Variants in PRKDC observed in about 807,000 individuals in gnomAD.
PRKDC encodes DNA-dependent protein kinase catalytic subunit.
In PRKDC, 82 loss-of-function variants were observed where a neutral mutation model predicts 486.9. That is an observed-to-expected ratio of 0.17 (90% CI 0.14 to 0.20). The LOEUF is 0.20. Ranked by LOEUF, PRKDC falls within the 10% of genes least tolerant of loss-of-function variation. The probability of loss-of-function intolerance (pLI) is 1.00; values close to 1 mark genes in which losing one functional copy is unlikely to be tolerated. For missense variants in PRKDC, 4,504 were observed against 5,038.2 expected (o/e 0.89, Z 3.21); for synonymous variants, 1,895 against 1,837.0 (o/e 1.03, Z -0.81).
At position 47,897,308 on chromosome 8, in the gene PRKDC, G is replaced by T. The variant is rs2089598173; in HGVS notation, c.3465-14C>A. Reference sequence around the variant, plus strand: ...GGTGGAAATCCTCTGCACAGAGACAGCATACTGTCATTAGTCCCTCTCCAA... The same window carrying T: ...GGTGGAAATCCTCTGCACAGAGACATCATACTGTCATTAGTCCCTCTCCAA... On this transcript the variant is annotated splice_polypyrimidine_tract_variant and intron_variant, in intron 29 of 85. Transcript: ENST00000314191. 3 of 1,552,772 alleles carry T rather than the reference G, an allele frequency of 1.9e-6. No homozygotes were observed. The highest frequency in any genetic ancestry group is 2.6e-6 in the Non-Finnish European group (3 of 1,139,010).
chr8:47,930,433 C>T (rs868645603), intron 17 of PRKDC, among the ~76,000 whole-genome samples: 3 of 152,084 alleles, frequency 2.0e-5, no homozygotes, highest in African/African-American at 4.8e-5. Context: ...ACACTATGCC[C>T]GGCGAATTTT....
At position 47,921,036 on chromosome 8, in the gene PRKDC, G is replaced by A. The variant is rs554979020; in HGVS notation, c.2420-2653C>T. On this transcript the variant is annotated intron_variant, in intron 21 of 85. Coordinates refer to ENST00000314191, the MANE Select transcript of PRKDC (RefSeq NM_006904.7). ...TGGGAGGCCGAGGGGGGCGGATCAC[G>A]AGGTCAGGAGATCTAGACTATCCTG... 3.4e-4 allele frequency among the ~76,000 whole-genome samples: 52 copies of A among 152,206 alleles called. 1 individual carries two copies. Among genetic ancestry groups the A allele is most frequent in the African/African-American group, 1.1e-3 (46 of 41,518 alleles).
intron 27 of PRKDC, among the ~76,000 whole-genome samples, chr8:47,902,166 A>AC (rs961429165): frequency 6.7e-5 from 10 of 149,608 alleles, no homozygotes; most frequent in Admixed American, 1.3e-4. Flanking sequence ...TCTTATCTCT[A>AC]CCCCCCCACC....
rs2090786066 is a variant in PRKDC at position 47,960,006 on chromosome 8, C to G, written c.121G>C (p.Glu41Gln). 1 of 1,534,188 alleles carries G rather than the reference C, an allele frequency of 6.5e-7. No individual in the cohort carries two copies. Among genetic ancestry groups the G allele is most frequent in the Non-Finnish European group, 8.7e-7 (1 of 1,146,426 alleles). Reference protein sequence around the residue: ...GHQLIRGLGQECVLSSSPAVL... With the variant: ...GHQLIRGLGQQCVLSSSPAVL... ...GCGGGGCTGCTGCTCAGGACGCATT[C>G]CTGCCCCAGGCCGCGGATCAGTTGA... Residue 41 changes from glutamate (E) to glutamine (Q), a missense_variant, in exon 1 of 86, where the codon GAA becomes CAA. By Grantham distance (29) the Glu-to-Gln change is conservative. Around this residue, in one of 6 missense-constraint regions of PRKDC, gnomAD observed 145 missense variants for 136.3 expected, o/e 1.06. Transcript: ENST00000314191.
rs765610502 is a variant in PRKDC at position 47,862,420 on chromosome 8, C to G, written c.5872G>C (p.Glu1958Gln). 1.2e-6 allele frequency: 2 copies of G among 1,613,978 alleles called. No homozygotes were observed. The highest frequency in any genetic ancestry group is 2.2e-5 in the East Asian group (1 of 44,888). ...AISVICCVFN[E>Q]LKFYQGFLFS... ...AGAAAACCTTGGTAAAATTTTAACTCATTGAAGACACAGCAGATGACAGAT... is the reference window on the plus strand; with the variant it reads ...AGAAAACCTTGGTAAAATTTTAACTGATTGAAGACACAGCAGATGACAGAT... Residue 1958 changes from glutamate (E) to glutamine (Q), a missense_variant, in exon 43 of 86, where the codon GAG becomes CAG. Coordinates refer to ENST00000314191, the MANE Select transcript of PRKDC (RefSeq NM_006904.7).
intron 22 of PRKDC, among the ~76,000 whole-genome samples, chr8:47,916,047 C>A (rs774953662): frequency 5.3e-5 from 8 of 152,168 alleles, no homozygotes; most frequent in African/African-American, 9.6e-5. Context: ...ATGTATTCCT[C>A]ATCTGAAAAT....
At chr8:47,950,648 A>C (rs1283949094) in intron 7 of PRKDC, among the ~76,000 whole-genome samples, 1 of 151,212 alleles carries the variant, frequency 6.6e-6, no homozygotes, top group African/African-American at 2.4e-5. Context: ...AAAAAAGATT[A>C]TTTCAGGATA....
chr8:47,956,899 T>C (rs1215996909), intron 3 of PRKDC, among the ~76,000 whole-genome samples: 2 of 126,190 alleles, frequency 1.6e-5, no homozygotes, highest in Admixed American at 2.1e-4. Flanking sequence ...AAAAAAATTA[T>C]CAAAGTAGTT....
chr8:47,903,590 G>C (rs1563795419), intron 26 of PRKDC, among the ~76,000 whole-genome samples: 1 of 152,296 alleles, frequency 6.6e-6, no homozygotes, highest in South Asian at 2.1e-4. Context: ...TGGTGATGCA[G>C]GGAAGAGCAG....
Position 47,954,364 on chromosome 8 carries a change from G to A in PRKDC, c.482C>T (p.Ala161Val). ...TGTATCTGGTATTTTTTTTTTCAAT[G>A]CAAGTTCTCCATAGAATTTACTAAA... ...ELFSKFYGEL[A>V]LKKKIPDTVL... The change falls in exon 5 of 86, where the codon GCA becomes GTA. Residue 161 changes from alanine to valine, a missense_variant. Physicochemically the swap from Ala to Val is moderately conservative, Grantham distance 64. Coordinates refer to ENST00000314191, the MANE Select transcript of PRKDC (RefSeq NM_006904.7). 7.6e-7 allele frequency: 1 copy of A among 1,316,096 alleles called. No homozygotes were observed. The allele number at this position is 1,316,096 out of a possible 1,614,324, so 81.5% of individuals were successfully genotyped here. A position where few individuals can be genotyped will look rare whatever the true frequency, so the allele number is the denominator to read the frequency against.
intron 6 of PRKDC, 28 bp from the exon 7 acceptor site, chr8:47,953,747 A>G: frequency 1.9e-6 from 3 of 1,591,986 alleles, no homozygotes; most frequent in Non-Finnish European, 2.6e-6. Context: ...AGAAGATGTC[A>G]TTACAAGAGA....
chr8:47,877,707 A>C lies in PRKDC; in HGVS notation c.5363+17T>G. The C allele has an allele frequency of 6.4e-7, 1 of 1,564,562 alleles. No individual in the cohort carries two copies. The highest frequency in any genetic ancestry group is 1.2e-5 in the South Asian group (1 of 81,126). Reference sequence around the variant, plus strand: ...AAATGCGTATGGTTCCTGAGATCCCAGGCCAGAATGACTTACCTTCTGGCA... The same window carrying C: ...AAATGCGTATGGTTCCTGAGATCCCCGGCCAGAATGACTTACCTTCTGGCA... On this transcript the variant is annotated intron_variant, in intron 40 of 85. Coordinates refer to ENST00000314191, the MANE Select transcript of PRKDC (RefSeq NM_006904.7).
intron 25 of PRKDC, among the ~76,000 whole-genome samples, chr8:47,910,924 T>C (rs1428956152): frequency 6.6e-6 from 1 of 152,152 alleles, no homozygotes; most frequent in Non-Finnish European, 1.5e-5. Flanking sequence ...GAGAATAATA[T>C]ATGAAAAAAG....
Position 47,862,557 on chromosome 8 carries a change from T to C in PRKDC, c.5751-16A>G, listed in dbSNP as rs8178126. The C allele has an allele frequency of 1.5e-5, 23 of 1,584,038 alleles. No homozygotes were observed. The highest frequency in any genetic ancestry group is 1.9e-5 in the Non-Finnish European group (22 of 1,161,384). ...GTAGCACAATCTGCAGAGAGATCCA[T>C]GTGACAAATCAATTCACACAACATG... On this transcript the variant is annotated splice_polypyrimidine_tract_variant and intron_variant, in intron 42 of 85. Transcript: ENST00000314191.
At chr8:47,956,400 A>G (rs7829584) in intron 3 of PRKDC, among the ~76,000 whole-genome samples, 1,784 of 151,806 alleles carry the variant, frequency 0.012, 47 homozygotes, top group African/African-American at 0.04. Flanking sequence ...AGTGTGGTTC[A>G]TGCCTGTAAT....
Position 47,913,894 on chromosome 8 carries a change from GA to G in PRKDC, c.2781+6del. 6.3e-7 allele frequency: 1 copy of G among 1,590,988 alleles called. No homozygotes were observed. The highest frequency in any genetic ancestry group is 2.3e-5 in the East Asian group (1 of 44,188). Reference sequence around the variant, plus strand: ...TAAATAATGGGTGAAATGAAAAATAGAAGTACTTTAGTTTGTCTGTCACTGG... The same window carrying G: ...TAAATAATGGGTGAAATGAAAAATAGAGTACTTTAGTTTGTCTGTCACTGG... On this transcript the variant is annotated splice_donor_region_variant and intron_variant, in intron 24 of 85. Coordinates refer to ENST00000314191, the MANE Select transcript of PRKDC (RefSeq NM_006904.7).
chr8:47,828,453 A>C, intron 61 of PRKDC, 106 bp from the exon 62 acceptor site: 1 of 878,804 alleles, frequency 1.1e-6, no homozygotes, highest in Non-Finnish European at 1.7e-6. Flanking sequence ...AAACACATCT[A>C]TTATACCTCT....
At chr8:47,918,231 GAT>G in intron 22 of PRKDC, 44 bp downstream of exon 22, 1 of 1,267,456 alleles carries the variant, frequency 7.9e-7, no homozygotes, top group Non-Finnish European at 1.1e-6. Flanking sequence ...GTTAGAATCT[GAT>G]CTCTGCATTA....
chr8:47,924,246 C>T (rs967595275), intron 21 of PRKDC, among the ~76,000 whole-genome samples: 6 of 152,026 alleles, frequency 3.9e-5, no homozygotes, highest in Non-Finnish European at 8.8e-5. Flanking sequence ...ACCAAGGAGT[C>T]CTGGTTCCAT....
Sources: gnomAD v4.1 joint callset for allele counts (sites outside exome capture counted in the v4.1 genomes callset) on GRCh38, gnomAD v4.1.1 for gene constraint, gnomAD v4.1.1 regional missense constraint, MANE v1.5 for transcripts, NCBI Gene and HGNC (gene_info 2026-07-23, HGNC 2026-07-21) for gene names.